YJU2B: variants seen among roughly 807,000 people sequenced by gnomAD.
YJU2B encodes the protein probable splicing factor YJU2B.
A neutral mutation model predicts 38.0 loss-of-function variants in YJU2B; 18 were observed. The ratio of observed to expected loss-of-function variants is 0.47; its 90% CI spans 0.33 to 0.70. YJU2B has a LOEUF of 0.70. Among genes scored for constraint, YJU2B ranks in the 30% least tolerant of loss-of-function variants. YJU2B has a pLI of 0.02. For missense variants in YJU2B, 538 were observed against 556.3 expected (o/e 0.97, Z 0.33); for synonymous variants, 246 against 225.4 (o/e 1.09, Z -0.82).
chr19:13,761,788 A>G (rs960125202), intron 8 of YJU2B, among the ~76,000 whole-genome samples: 15 of 148,294 alleles, frequency 1.0e-4, no homozygotes, highest in Non-Finnish European at 1.8e-4. Context: ...AGTGACAACG[A>G]TCTCAGCCCA....
intron 2 of YJU2B, among the ~76,000 whole-genome samples, chr19:13,733,154 C>T (rs1340020593): frequency 1.3e-5 from 2 of 151,498 alleles, no homozygotes; most frequent in African/African-American, 2.4e-5. Context: ...TAGTCTCGAT[C>T]TCCTGACCTC....
intron 2 of YJU2B, 87 bp from the exon 3 acceptor site, chr19:13,754,202 A>G (rs1449439507): frequency 1.0e-5 from 11 of 1,087,424 alleles, no homozygotes. Context: ...AAAAATCAGA[A>G]AAAATTTTTT....
Position 13,751,730 on chromosome 19 carries a change from TC to T in YJU2B, c.-78del, listed in dbSNP as rs1439742789. On this transcript the variant is annotated 5_prime_UTR_variant, in exon 2 of 10. Transcript: ENST00000221554. Reference sequence around the variant, plus strand: ...ACCCTCTGCCAGGCTCCACAAGAGGTCAGGACAGTGCAGTGTGTTCACAAGG... The same window carrying T: ...ACCCTCTGCCAGGCTCCACAAGAGGTAGGACAGTGCAGTGTGTTCACAAGG... 3 of 1,509,976 alleles carry T rather than the reference TC, an allele frequency of 2.0e-6. No individual in the cohort carries two copies. Among genetic ancestry groups the T allele is most frequent in the Non-Finnish European group, 2.8e-6 (3 of 1,085,842 alleles). The allele number at this position is 1,509,976 out of a possible 1,614,324, so 93.5% of individuals were successfully genotyped here.
chr19:13,757,301 A>T lies in YJU2B; in HGVS notation c.141-117A>T, dbSNP rs990754973. On this transcript the variant is annotated intron_variant, in intron 4 of 9. Transcript: ENST00000221554. ...AATGTGAGTGCAGCAACTCCCGTTA[A>T]CAGGGCAGTCTAATACCCCACCCCT... The T allele has an allele frequency of 9.7e-6, 7 of 718,348 alleles. No homozygotes were observed. In the African/African-American group the frequency reaches 1.3e-4, roughly 13 times the overall value. 44.5% of individuals were successfully genotyped at this position (718,348 alleles called of 1,614,324 possible).
At chr19:13,744,992 CAAAA>C (rs35908579), upstream of YJU2B, among the ~76,000 whole-genome samples, 2 of 130,324 alleles carry the variant, frequency 1.5e-5, no homozygotes, top group Admixed American at 7.8e-5. Context: ...GACTCCGTCT[CAAAA>C]AAAAAAAAAA....
chr19:13,753,186 A>C (rs551076420), intron 2 of YJU2B, among the ~76,000 whole-genome samples: 3 of 152,286 alleles, frequency 2.0e-5, no homozygotes, highest in African/African-American at 4.8e-5. Flanking sequence ...AATGTCCCCA[A>C]GTCCCCCTTA....
intron 2 of YJU2B, chr19:13,732,392 CA>C: frequency 6.6e-6 from 1 of 152,004 alleles, no homozygotes. Flanking sequence ...CAAAATGCCC[CA>C]AACGCCATCC....
At chr19:13,750,180 C>G (rs1973401919) in intron 1 of YJU2B, among the ~76,000 whole-genome samples, 1 of 152,080 alleles carries the variant, frequency 6.6e-6, no homozygotes, top group Non-Finnish European at 1.5e-5. Context: ...ATCAGAATTC[C>G]AGGAAACAAG....
At chr19:13,758,735 C>A in intron 6 of YJU2B, 133 bp from the exon 7 acceptor site, 1 of 1,076,628 alleles carries the variant, frequency 9.3e-7, no homozygotes, top group Non-Finnish European at 1.4e-6. Flanking sequence ...CGTGGCTCTA[C>A]ACGGCACACA....
In YJU2B at chr19:13,762,783, C is replaced by A. The variant is rs770526847; in HGVS notation, c.906C>A (p.Asp302Glu). The stretch of plus-strand genomic sequence containing the variant: ...GCATCGTGCGGCGGAGGTCTCGGGA[C>A]GTCCCGGAGAGCCCCCAGCATGCGG... Reference protein sequence around the residue: ...DLGIVRRRSRDVPESPQHAAD... With the variant: ...DLGIVRRRSREVPESPQHAAD... Residue 302 changes from aspartate (D) to glutamate (E), a missense_variant, in exon 10 of 10, where the codon GAC (aspartate) becomes GAA (glutamate). This residue lies in a region of YJU2B where 488 missense variants were observed against 469.5 expected (regional missense o/e 1.04). Transcript: ENST00000221554. 3.1e-6 allele frequency: 5 copies of A among 1,602,850 alleles called. No homozygotes were observed. The highest frequency in any genetic ancestry group is 3.4e-6 in the Non-Finnish European group (4 of 1,176,050).
chr19:13,732,904 C>T (rs1249286450), intron 2 of YJU2B, among the ~76,000 whole-genome samples: 1 of 150,668 alleles, frequency 6.6e-6, no homozygotes, highest in Non-Finnish European at 1.5e-5. Context: ...CAACTGCACC[C>T]GGCATAAAAA....
In YJU2B at chr19:13,763,022, T is replaced by G. The variant is rs764748054; in HGVS notation, c.1145T>G (p.Leu382Arg). ...DTPDTRHPCS[L>R]GSSLVADYSD... ...CCCGACACGCGGCACCCCTGCAGTC[T>G]CGGCTCCTCCCTCGTGGCGGACTAC... is the stretch of plus-strand genomic sequence containing the variant. The change falls in exon 10 of 10, where the codon CTC becomes CGC. Residue 382 changes from leucine (L) to arginine (R), a missense_variant. Leu to Arg is a moderately radical substitution (Grantham distance 102). This residue lies in a region of YJU2B where 488 missense variants were observed against 469.5 expected (regional missense o/e 1.04). Coordinates refer to ENST00000221554, the MANE Select transcript of YJU2B (RefSeq NM_030818.4). The G allele has an allele frequency of 1.9e-6, 3 of 1,588,272 alleles. No homozygotes were observed. In the East Asian group the frequency reaches 6.7e-5, roughly 36 times the overall value.
At chr19:13,747,264 T>C (rs897671334), upstream of YJU2B, among the ~76,000 whole-genome samples, 34 of 152,218 alleles carry the variant, frequency 2.2e-4, no homozygotes, top group African/African-American at 8.0e-4. Context: ...TATCCCTGTG[T>C]TCCAATGAAA....
intron 1 of YJU2B, among the ~76,000 whole-genome samples, chr19:13,749,523 A>G (rs1460757665): frequency 6.6e-6 from 1 of 152,192 alleles, no homozygotes; most frequent in Non-Finnish European, 1.5e-5. Flanking sequence ...CTAAAAAGCT[A>G]GAAATACTTA....
At chr19:13,735,909 G>T (rs990971736) in intron 2 of YJU2B, among the ~76,000 whole-genome samples, 4 of 151,916 alleles carry the variant, frequency 2.6e-5, no homozygotes, top group African/African-American at 9.7e-5. Flanking sequence ...AAAATTAGCC[G>T]GGCGTGGTGG....
rs190965473 is a variant in YJU2B, at chr19:13,733,828, T to G, written c.-202+1543T>G. On this transcript the variant is annotated intron_variant, in intron 2 of 10. Coordinates refer to the YJU2B transcript ENST00000586600. The stretch of plus-strand genomic sequence containing the variant: ...TTGCCCCTGAAGGGGTGAAGATGGC[T>G]CCTATTGAGAAACACTGGCCATGAG... Among the ~76,000 whole-genome samples the G allele has an allele frequency of 4.0e-3, 607 of 152,300 alleles. 3 individuals carry two copies. The highest frequency in any genetic ancestry group is 0.014 in the African/African-American group (587 of 41,558).
chr19:13,757,707 G>GC, intron 5 of YJU2B, 79 bp from the exon 6 acceptor site: 2 of 1,414,348 alleles, frequency 1.4e-6, no homozygotes, highest in Non-Finnish European at 2.0e-6. Context: ...GTGACAGTGA[G>GC]CCTCTTTGTA....
chr19:13,748,558 A>C (rs552820910), intron 1 of YJU2B, among the ~76,000 whole-genome samples: 1 of 152,264 alleles, frequency 6.6e-6, no homozygotes, highest in African/African-American at 2.4e-5. Flanking sequence ...GGGTAACAAA[A>C]CCATCTTAAG....
intron 2 of YJU2B, among the ~76,000 whole-genome samples, chr19:13,753,574 CA>C (rs34397712): frequency 0.06 from 4,280 of 71,672 alleles, 134 homozygotes; most frequent in African/African-American, 0.24. Flanking sequence ...AACTCTGTCT[CA>C]AAAAAAAAAA....
Sources: gnomAD v4.1 joint callset for allele counts (sites outside exome capture counted in the v4.1 genomes callset) on GRCh38, gnomAD v4.1.1 for gene constraint, gnomAD v4.1.1 regional missense constraint, MANE v1.5 for transcripts, NCBI Gene and HGNC (gene_info 2026-07-23, HGNC 2026-07-21) for gene names.